Variants in SENP1 observed in about 807,000 individuals in gnomAD.
SENP1 encodes the protein sentrin-specific protease 1.
SENP1 carries 21 observed loss-of-function variants against 93.0 expected under a neutral mutation model. That is an observed-to-expected ratio of 0.23 (90% CI 0.16 to 0.33). The LOEUF (loss-of-function observed/expected upper bound fraction) is 0.33, where lower values mean the gene tolerates loss of function less well. Ranked by LOEUF, SENP1 falls within the 10% of genes least tolerant of loss-of-function variation. SENP1 has a pLI of 1.00. For synonymous variants in SENP1, 256 were observed against 259.6 expected, an observed-to-expected ratio of 0.99 and a Z score of 0.13; for missense variants, 591 against 758.7, an observed-to-expected ratio of 0.78 and a Z score of 2.60.
At chr12:48,075,913 T>C (rs7971668) in intron 6 of SENP1, among the ~76,000 whole-genome samples, 34,543 of 152,042 alleles carry the variant, frequency 0.23, 4,593 homozygotes, top group East Asian at 0.55. Flanking sequence ...CCTAGAAATA[T>C]ATAAAAGAAT....
At chr12:48,048,134 T>A in intron 14 of SENP1, 54 bp from the exon 15 acceptor site, 1 of 1,246,160 alleles carries the variant, frequency 8.0e-7, no homozygotes, top group Non-Finnish European at 1.2e-6. Context: ...AATCGGTTTA[T>A]CAGTTTTTCC....
At chr12:48,104,220 GAA>G (rs772256640) in intron 1 of SENP1, among the ~76,000 whole-genome samples, 27 of 101,076 alleles carry the variant, frequency 2.7e-4, no homozygotes, top group East Asian at 1.9e-3. Context: ...AAAAAAAGAA[GAA>G]AAAAATATAT....
chr12:48,065,561 T>G, intron 11 of SENP1, 35 bp downstream of exon 11: 1 of 1,384,420 alleles, frequency 7.2e-7, no homozygotes, highest in South Asian at 1.3e-5. Flanking sequence ...TGATGTACTA[T>G]TTATTTGTAA....
At chr12:48,079,058 G>C (rs989841080) in intron 6 of SENP1, among the ~76,000 whole-genome samples, 1 of 152,068 alleles carries the variant, frequency 6.6e-6, no homozygotes, top group African/African-American at 2.4e-5. Context: ...GGCAAAAGAG[G>C]GAGTATCACT....
chr12:48,075,612 A>G, intron 6 of SENP1, among the ~76,000 whole-genome samples: 1 of 152,212 alleles, frequency 6.6e-6, no homozygotes, highest in Non-Finnish European at 1.5e-5. Context: ...AAGACCCAAT[A>G]CTACATTTAG....
At chr12:48,097,929 A>C in intron 3 of SENP1, 65 bp downstream of exon 3, 1 of 1,460,900 alleles carries the variant, frequency 6.8e-7, no homozygotes, top group South Asian at 1.3e-5. Context: ...TTTAAACTAC[A>C]TAAGATGAAA....
rs1423904219 is a variant in SENP1, at chr12:48,056,788, ATAT to A, written c.1407+6919_1407+6921del. On this transcript the variant is annotated intron_variant, in intron 13 of 17. Coordinates refer to ENST00000549518, the MANE Select transcript of SENP1 (RefSeq NM_001267594.2). ...ATTTAACATATTACATATTACATAT[ATAT>A]TATTTAATATATTACATATTACATA... 2.1e-3 allele frequency among the ~76,000 whole-genome samples: 159 copies of A among 76,276 alleles called. 2 individuals are homozygous for A. The highest frequency in any genetic ancestry group is 0.016 in the Middle Eastern group (1 of 62). 50.0% of individuals were successfully genotyped at this position (76,276 alleles called of 152,430 possible). A position where few individuals can be genotyped will look rare whatever the true frequency, so the allele number is the denominator to read the frequency against.
rs961584843 is a variant in SENP1 at position 48,065,287 on chromosome 12, G to C, written c.1120-67C>G. 2.4e-6 allele frequency: 3 copies of C among 1,253,530 alleles called. No individual in the cohort carries two copies. In the African/African-American group the frequency reaches 4.5e-5, roughly 19 times the overall value. 77.7% of individuals were successfully genotyped at this position (1,253,530 alleles called of 1,614,324 possible). A position where few individuals can be genotyped will look rare whatever the true frequency, so the allele number is the denominator to read the frequency against. ...GTGGATGTTCCTTGATTTATGATAG[G>C]GTTATGTCCCAATAAACCTGTCATA... On this transcript the variant is annotated intron_variant, in intron 11 of 17. Transcript: ENST00000549518.
rs11830088 is a variant in SENP1 at position 48,094,612 on chromosome 12, G to A, written c.220+1731C>T. On this transcript the variant is annotated intron_variant, in intron 4 of 17. Transcript: ENST00000549518. ...GGTGAATTGCTTGAACCCAGGAGGC[G>A]GAGGTTGCAGTGAGTCAAGATCGCG... 4.7e-3 allele frequency among the ~76,000 whole-genome samples: 721 copies of A among 152,008 alleles called. 7 individuals are homozygous for A. The highest frequency in any genetic ancestry group is 0.016 in the African/African-American group (647 of 41,446).
At chr12:48,081,589 G>C (rs76076173) in intron 6 of SENP1, among the ~76,000 whole-genome samples, 1 of 28,434 alleles carries the variant, frequency 3.5e-5, no homozygotes, top group Non-Finnish European at 7.3e-5. Flanking sequence ...TTTTTTTTTT[G>C]AGACAGTGTC....
At chr12:48,058,434 C>G (rs560120706) in intron 13 of SENP1, among the ~76,000 whole-genome samples, 5 of 152,074 alleles carry the variant, frequency 3.3e-5, no homozygotes, top group Non-Finnish European at 7.4e-5. Flanking sequence ...CTTTCCAACT[C>G]TTTTGTATTT....
intron 1 of SENP1, among the ~76,000 whole-genome samples, chr12:48,101,991 C>G (rs890627091): frequency 2.6e-5 from 4 of 152,200 alleles, no homozygotes; most frequent in Non-Finnish European, 5.9e-5. Flanking sequence ...TAATGACAAT[C>G]AAGAACTACT....
intron 2 of SENP1, among the ~76,000 whole-genome samples, chr12:48,098,643 CA>C (rs749908469): frequency 1.5e-3 from 169 of 109,292 alleles, no homozygotes; most frequent in Middle Eastern, 0.01. Flanking sequence ...AACTCCATCT[CA>C]AAAAAAAAAA....
At chr12:48,105,070 T>C (rs958574367) in intron 1 of SENP1, 1 of 189,896 alleles carries the variant, frequency 5.3e-6, no homozygotes, top group East Asian at 1.3e-4. Context: ...AGAATAAAGA[T>C]TTAGGAGATG....
intron 6 of SENP1, among the ~76,000 whole-genome samples, chr12:48,081,070 A>G (rs10492081): frequency 0.24 from 35,710 of 151,882 alleles, 4,777 homozygotes; most frequent in African/African-American, 0.36. Flanking sequence ...CAAACTTACA[A>G]TGAACACAGA....
chr12:48,075,915 T>C (rs1415485171), intron 6 of SENP1, among the ~76,000 whole-genome samples: 1 of 152,064 alleles, frequency 6.6e-6, no homozygotes, highest in African/African-American at 2.4e-5. Flanking sequence ...TAGAAATATA[T>C]AAAAGAATAT....
intron 6 of SENP1, among the ~76,000 whole-genome samples, chr12:48,082,389 T>C (rs74727636): frequency 0.019 from 2,959 of 152,326 alleles, 74 homozygotes; most frequent in African/African-American, 0.049. Flanking sequence ...AAAGCATACT[T>C]GACCAAACCT....
rs1226089425 is a variant in SENP1, at chr12:48,065,725, T to C, written c.1035-45A>G. On this transcript the variant is annotated intron_variant, in intron 10 of 17. Transcript: ENST00000549518. The stretch of plus-strand genomic sequence containing the variant: ...GTGACCAAATGTAGACCACTCTCAT[T>C]ATGAAACATATTGTTGATGTACACT... 11 of 1,213,850 alleles carry C rather than the reference T, an allele frequency of 9.1e-6. No individual in the cohort carries two copies. In the East Asian group the frequency reaches 2.5e-4, roughly 28 times the overall value. 75.2% of individuals were successfully genotyped at this position (1,213,850 alleles called of 1,614,324 possible).
intron 4 of SENP1, among the ~76,000 whole-genome samples, chr12:48,092,927 T>C (rs1945305830): frequency 6.6e-6 from 1 of 152,212 alleles, no homozygotes; most frequent in African/African-American, 2.4e-5. Flanking sequence ...AAGCTCTATA[T>C]ACCAATGCTT....
Sources: allele counts gnomAD v4.1 joint callset (sites outside exome capture counted in the v4.1 genomes callset), GRCh38; gene constraint gnomAD v4.1.1; transcripts MANE v1.5; gene names NCBI Gene and HGNC (gene_info 2026-07-23, HGNC 2026-07-21).